The following DBF4B variants were observed in gnomAD, a reference collection of about 807,000 sequenced individuals.
DBF4B encodes DBF4B-CDC7 kinase regulatory subunit.
In DBF4B, 49 loss-of-function variants were observed where a neutral mutation model predicts 53.4. The ratio of observed to expected loss-of-function variants is 0.92; its 90% CI spans 0.73 to 1.16. The LOEUF (loss-of-function observed/expected upper bound fraction) is 1.16, where lower values mean the gene tolerates loss of function less well. Ranked by LOEUF, DBF4B falls within the 50% of genes most tolerant of loss-of-function variation. The pLI, the probability that DBF4B is intolerant of heterozygous loss-of-function variation, is 0.00. For missense variants in DBF4B, 692 were observed against 775.0 expected, an observed-to-expected ratio of 0.89 and a Z score of 1.27; for synonymous variants, 257 against 288.7, an observed-to-expected ratio of 0.89 and a Z score of 1.11.
chr17:44,740,083 T>C (rs1290753002), intron 9 of DBF4B, among the ~76,000 whole-genome samples: 1 of 152,004 alleles, frequency 6.6e-6, no homozygotes, highest in Non-Finnish European at 1.5e-5. Context: ...TTTTTTTATG[T>C]GCTGTTTTGA....
At chr17:44,728,631 AC>A (rs1248663553) in intron 3 of DBF4B, among the ~76,000 whole-genome samples, 1 of 151,866 alleles carries the variant, frequency 6.6e-6, no homozygotes, top group Non-Finnish European at 1.5e-5. Flanking sequence ...ATCCTGGCCA[AC>A]ATGGTGAAAC....
At chr17:44,746,830 A>C (rs74356801) in intron 10 of DBF4B, among the ~76,000 whole-genome samples, 1 of 151,856 alleles carries the variant, frequency 6.6e-6, no homozygotes, top group Admixed American at 6.6e-5. Context: ...AAAAAAAAAA[A>C]AAGAGAGAGA....
rs1224579151 is a variant in DBF4B at position 44,747,082 on chromosome 17, G to A, written c.831-1G>A. 6.2e-7 allele frequency: 1 copy of A among 1,613,998 alleles called. No homozygotes were observed. Among genetic ancestry groups the A allele is most frequent in the South Asian group, 1.1e-5 (1 of 91,070 alleles). On this transcript the variant is annotated splice_acceptor_variant, in intron 10 of 13. Transcript: ENST00000315005. LOFTEE classifies it high-confidence loss of function. ...TTTGCCGCACTATGTACCCTCCCCA[G>A]AGAATCCAAGGATGGAGAGCCAAGC... is the stretch of plus-strand genomic sequence containing the variant.
chr17:44,709,837 T>C (rs1246226778), intron 2 of DBF4B, among the ~76,000 whole-genome samples: 2 of 151,912 alleles, frequency 1.3e-5, no homozygotes, highest in Non-Finnish European at 2.9e-5. Flanking sequence ...TAGGTAAGTA[T>C]TTTAGCACAT....
chr17:44,743,478 C>T (rs537630233), intron 10 of DBF4B, among the ~76,000 whole-genome samples: 1 of 151,854 alleles, frequency 6.6e-6, no homozygotes, highest in South Asian at 2.1e-4. Flanking sequence ...CTGGTGCAAC[C>T]TTCCTCCCAG....
intron 3 of DBF4B, 47 bp from the exon 4 acceptor site, chr17:44,729,858 C>A (rs756999822): frequency 3.8e-5 from 60 of 1,593,882 alleles, no homozygotes; most frequent in Non-Finnish European, 5.0e-5. Flanking sequence ...ATTGACAATT[C>A]TGCATTTGCT....
chr17:44,738,570 C>T (rs2145051683), intron 9 of DBF4B, 146 bp downstream of exon 9: 2 of 787,624 alleles, frequency 2.5e-6, no homozygotes, highest in Non-Finnish European at 3.9e-6. Flanking sequence ...GCCACTTTCT[C>T]CCATTGTCAT....
chr17:44,713,214 G>GT (rs886125412), intron 2 of DBF4B, among the ~76,000 whole-genome samples: 13 of 147,130 alleles, frequency 8.8e-5, no homozygotes, highest in African/African-American at 1.2e-4. Context: ...TAATTTTTTG[G>GT]TTTTTTTTAG....
At chr17:44,717,744 T>C (rs1460081589) in intron 2 of DBF4B, among the ~76,000 whole-genome samples, 1 of 142,532 alleles carries the variant, frequency 7.0e-6, no homozygotes, top group East Asian at 2.1e-4. Flanking sequence ...GCTAGGCGTG[T>C]TGGCTCATGC....
At chr17:44,733,843 T>G (rs1975081346) in intron 6 of DBF4B, 1 of 504,068 alleles carries the variant, frequency 2.0e-6, no homozygotes, top group Non-Finnish European at 3.6e-6. Flanking sequence ...TGTTCAAAGA[T>G]GAGTTGTATT....
intron 10 of DBF4B, among the ~76,000 whole-genome samples, chr17:44,744,204 G>A (rs948751959): frequency 9.9e-5 from 15 of 151,066 alleles, no homozygotes; most frequent in African/African-American, 3.4e-4. Flanking sequence ...TTGAGCTCAC[G>A]AGTTTGAGAC....
chr17:44,747,378 C>T lies in DBF4B; in HGVS notation c.940-13C>T, dbSNP rs772379397. The T allele has an allele frequency of 3.7e-6, 6 of 1,613,358 alleles. No homozygotes were observed. The highest frequency in any genetic ancestry group is 5.1e-6 in the Non-Finnish European group (6 of 1,179,748). ...CTCATCTAATGCCCTGTGCTCCTCT[C>T]CCCCGCCGGCAGCATCTTCAGAGTG... is the stretch of plus-strand genomic sequence containing the variant. On this transcript the variant is annotated splice_polypyrimidine_tract_variant and intron_variant, in intron 11 of 13. Transcript: ENST00000315005.
At position 44,736,838 on chromosome 17, in the gene DBF4B, T is replaced by TC. The variant is rs35283445; in HGVS notation, c.641dup (p.Ala215SerfsTer22). ...TTTTCCTTTCCATTTAGGGAACATG[T>TC]CCAGCAGCAGAGTCAAGAACACGGA... On this transcript the variant is annotated frameshift_variant, in exon 8 of 14. Coordinates refer to ENST00000315005, the MANE Select transcript of DBF4B (RefSeq NM_145663.3). LOFTEE classifies it high-confidence loss of function. 6.2e-7 allele frequency: 1 copy of TC among 1,614,080 alleles called. No homozygotes were observed. Among genetic ancestry groups the TC allele is most frequent in the South Asian group, 1.1e-5 (1 of 91,058 alleles).
At position 44,734,072 on chromosome 17, in the gene DBF4B, C is replaced by G; in HGVS notation, c.557-18C>G. ...AAGACTGGAAGCCTTTGGCACAAAC[C>G]CTCTGTCTTCTCCACAGAAATGATG... is the stretch of plus-strand genomic sequence containing the variant. On this transcript the variant is annotated intron_variant, in intron 6 of 13. Transcript: ENST00000315005. The G allele has an allele frequency of 6.2e-7, 1 of 1,607,366 alleles. No homozygotes were observed. Among genetic ancestry groups the G allele is most frequent in the Non-Finnish European group, 8.5e-7 (1 of 1,173,890 alleles).
chr17:44,716,420 A>G (rs1973343189), intron 2 of DBF4B, among the ~76,000 whole-genome samples: 1 of 152,022 alleles, frequency 6.6e-6, no homozygotes, highest in South Asian at 2.1e-4. Flanking sequence ...CAGTATACAG[A>G]TATTCTTTTG....
intron 7 of DBF4B, among the ~76,000 whole-genome samples, chr17:44,735,896 A>G (rs1167608670): frequency 6.6e-6 from 1 of 152,076 alleles, no homozygotes; most frequent in East Asian, 1.9e-4. Flanking sequence ...ATTTTATTCC[A>G]TTTATCTTAC....
chr17:44,735,739 A>C (rs1216060014), intron 7 of DBF4B, among the ~76,000 whole-genome samples: 1 of 152,186 alleles, frequency 6.6e-6, no homozygotes, highest in African/African-American at 2.4e-5. Flanking sequence ...ATGTGCTGAT[A>C]CGCAAGGGAA....
chr17:44,734,928 AC>A (rs953790770), intron 7 of DBF4B, among the ~76,000 whole-genome samples: 6 of 152,032 alleles, frequency 3.9e-5, no homozygotes, highest in Non-Finnish European at 7.4e-5. Flanking sequence ...GTGTGGTGAA[AC>A]CCCGACTGTG....
chr17:44,748,867 G>C (rs749434481), intron 13 of DBF4B: 1 of 1,290,716 alleles, frequency 7.7e-7, no homozygotes, highest in African/African-American at 1.5e-5. Flanking sequence ...CAGGCTCCTC[G>C]CCTCCCTCCA....
Sources: gnomAD v4.1 joint callset for allele counts (sites outside exome capture counted in the v4.1 genomes callset) on GRCh38, gnomAD v4.1.1 for gene constraint, MANE v1.5 for transcripts, NCBI Gene and HGNC (gene_info 2026-07-23, HGNC 2026-07-21) for gene names.